The following GALNT13 variants were observed in gnomAD, a reference collection of about 807,000 sequenced individuals.
GALNT13 encodes the protein UDP-GalNAc:polypeptide N-acetylgalactosaminyltransferase 13.
GALNT13 carries 28 observed loss-of-function variants against 64.2 expected under a neutral mutation model. The ratio of observed to expected loss-of-function variants is 0.44; its 90% CI spans 0.32 to 0.60. GALNT13 has a LOEUF of 0.60. GALNT13 is among the 20% of genes least tolerant of loss of function. The pLI is 0.05. For synonymous variants in GALNT13, 214 were observed against 224.6 expected (o/e 0.95, Z 0.42); for missense variants, 577 against 669.8 (o/e 0.86, Z 1.53).
chr2:153,767,235 A>C, the GALNT13 span, among the ~76,000 whole-genome samples: 1 of 152,174 alleles, frequency 6.6e-6, no homozygotes. Flanking sequence ...TATTTTGCTT[A>C]GAATAATGGC....
At chr2:153,884,202 A>G (rs1686977739) in intron 1 of GALNT13, among the ~76,000 whole-genome samples, 1 of 152,048 alleles carries the variant, frequency 6.6e-6, no homozygotes, top group South Asian at 2.1e-4. Context: ...GAAGTTCTGA[A>G]TATGATGTGA....
At position 153,929,983 on chromosome 2, in the gene GALNT13, C is replaced by G. The variant is rs371112519; in HGVS notation, c.-104-14411C>G. Among the ~76,000 whole-genome samples the G allele has an allele frequency of 1.1e-4, 16 of 152,216 alleles. No homozygotes were observed. In the South Asian group the frequency reaches 2.9e-3, roughly 28 times the overall value. Reference sequence around the variant, plus strand: ...CTTATTAGCAGTGTATAAACATTCCCTTTTCTCCACAATTTTGCCAGCCTC... The same window carrying G: ...CTTATTAGCAGTGTATAAACATTCCGTTTTCTCCACAATTTTGCCAGCCTC... On this transcript the variant is annotated intron_variant, in intron 2 of 12. Transcript: ENST00000392825.
At chr2:154,396,242 GAT>G in intron 10 of GALNT13, 112 bp downstream of exon 10, 1 of 589,744 alleles carries the variant, frequency 1.7e-6, no homozygotes, top group Non-Finnish European at 2.7e-6. Context: ...TTTTTAATTA[GAT>G]CTGTTTTAAA....
chr2:153,494,488 C>T, the GALNT13 span, among the ~76,000 whole-genome samples: 1 of 151,910 alleles, frequency 6.6e-6, no homozygotes, highest in South Asian at 2.1e-4. Flanking sequence ...TCAGCAAGTA[C>T]CCCAAAACAA....
intron 9 of GALNT13, among the ~76,000 whole-genome samples, chr2:154,381,595 A>T (rs1355063833): frequency 6.6e-6 from 1 of 152,062 alleles, no homozygotes; most frequent in Non-Finnish European, 1.5e-5. Context: ...GCACAACAAA[A>T]CGTGAGGGAA....
At chr2:153,075,934 A>G in the GALNT13 span, among the ~76,000 whole-genome samples, 1 of 152,162 alleles carries the variant, frequency 6.6e-6, no homozygotes, top group African/African-American at 2.4e-5. Context: ...ATCACTACAT[A>G]GAAAAGATAT....
At chr2:153,261,956 G>T in the GALNT13 span, among the ~76,000 whole-genome samples, 1 of 152,092 alleles carries the variant, frequency 6.6e-6, no homozygotes, top group Non-Finnish European at 1.5e-5. Context: ...TACATCAGGG[G>T]ACTTGGCTCC....
the GALNT13 span, among the ~76,000 whole-genome samples, chr2:153,692,081 A>G: frequency 6.6e-6 from 1 of 152,184 alleles, no homozygotes; most frequent in Non-Finnish European, 1.5e-5. Context: ...TCCACACACA[A>G]TGATAGGGAT....
chr2:153,674,089 A>G, the GALNT13 span, among the ~76,000 whole-genome samples: 5 of 152,220 alleles, frequency 3.3e-5, no homozygotes, highest in Admixed American at 2.0e-4. Context: ...ATGCTCATGG[A>G]TAGGAAGAGT....
At chr2:153,192,210 C>T in the GALNT13 span, among the ~76,000 whole-genome samples, 84 of 151,828 alleles carry the variant, frequency 5.5e-4, no homozygotes, top group African/African-American at 1.9e-3. Flanking sequence ...ATTGTTTTTG[C>T]TATATCTCAT....
intron 4 of GALNT13, among the ~76,000 whole-genome samples, chr2:154,198,496 T>C (rs1686996916): frequency 6.6e-6 from 1 of 152,014 alleles, no homozygotes; most frequent in Non-Finnish European, 1.5e-5. Context: ...TTTCAATAGT[T>C]AAAGTAAGTT....
chr2:153,784,147 T>A, the GALNT13 span, among the ~76,000 whole-genome samples: 1 of 152,168 alleles, frequency 6.6e-6, no homozygotes, highest in Admixed American at 6.5e-5. Context: ...CAGAAGAAGA[T>A]AGGAAGATGT....
the GALNT13 span, among the ~76,000 whole-genome samples, chr2:153,255,503 C>G: frequency 6.6e-6 from 1 of 150,872 alleles, no homozygotes; most frequent in Admixed American, 6.6e-5. Flanking sequence ...TGAATTTGAT[C>G]CTGTCATTAT....
chr2:153,653,623 C>T, the GALNT13 span, among the ~76,000 whole-genome samples: 5 of 152,158 alleles, frequency 3.3e-5, no homozygotes, highest in South Asian at 2.1e-4. Flanking sequence ...AGTATGCTCT[C>T]GCTCCCCAGA....
chr2:153,740,946 G>A, the GALNT13 span, among the ~76,000 whole-genome samples: 1 of 152,132 alleles, frequency 6.6e-6, no homozygotes, highest in Non-Finnish European at 1.5e-5. Context: ...TTCTACCAGT[G>A]TTTTAGCCTT....
At chr2:153,625,490 G>A in the GALNT13 span, among the ~76,000 whole-genome samples, 1 of 152,004 alleles carries the variant, frequency 6.6e-6, no homozygotes, top group Non-Finnish European at 1.5e-5. Flanking sequence ...AGAAAGAATT[G>A]AAGCTCAAAA....
At chr2:154,110,145 A>G (rs574931137) in intron 3 of GALNT13, among the ~76,000 whole-genome samples, 3 of 150,414 alleles carry the variant, frequency 2.0e-5, no homozygotes, top group Non-Finnish European at 3.0e-5. Flanking sequence ...TTTGTTATTG[A>G]TATGTTTGCA....
At chr2:153,942,912 T>C (rs1376574681) in intron 2 of GALNT13, among the ~76,000 whole-genome samples, 1 of 152,166 alleles carries the variant, frequency 6.6e-6, no homozygotes. Flanking sequence ...AATTATACTT[T>C]GATGTTTTTG....
the GALNT13 span, among the ~76,000 whole-genome samples, chr2:153,839,003 A>T: frequency 6.6e-6 from 1 of 151,602 alleles, no homozygotes; most frequent in African/African-American, 2.4e-5. Flanking sequence ...CTTTGGTTAC[A>T]TTTATTCATA....
Sources: gnomAD v4.1 joint callset for allele counts (sites outside exome capture counted in the v4.1 genomes callset) on GRCh38, gnomAD v4.1.1 for gene constraint, MANE v1.5 for transcripts, NCBI Gene and HGNC (gene_info 2026-07-23, HGNC 2026-07-21) for gene names.